The following ANKS1B variants were observed in gnomAD, a reference collection of about 807,000 sequenced individuals.
ANKS1B encodes ankyrin repeat and sterile alpha motif domain containing 1B, also known as ankyrin repeat and sterile alpha motif domain-containing protein 1B.
Under a neutral mutation model 148.3 loss-of-function variants are expected in ANKS1B, and 36 were observed. The observed-to-expected ratio is 0.24, with a 90% CI of 0.19 to 0.32. ANKS1B has a LOEUF of 0.32. Among genes scored for constraint, ANKS1B ranks in the 10% least tolerant of loss-of-function variants. The probability of loss-of-function intolerance (pLI) is 1.00; values close to 1 mark genes in which losing one functional copy is unlikely to be tolerated. For missense variants in ANKS1B, 1,157 were observed against 1,542.6 expected (o/e 0.75, Z 4.19); for synonymous variants, 542 against 560.8 (o/e 0.97, Z 0.47).
intron 10 of ANKS1B, among the ~76,000 whole-genome samples, chr12:99,490,880 T>C (rs996872635): frequency 6.6e-6 from 1 of 152,196 alleles, no homozygotes; most frequent in African/African-American, 2.4e-5. Context: ...GCAGGTAAGG[T>C]GAATAGTTAA....
chr12:99,895,325 A>G (rs909952491), intron 1 of ANKS1B, among the ~76,000 whole-genome samples: 8 of 150,308 alleles, frequency 5.3e-5, no homozygotes, highest in African/African-American at 1.9e-4. Context: ...ATCTAGAAAA[A>G]TAATTACTAT....
chr12:99,795,165 G>A (rs1355754123), intron 4 of ANKS1B, among the ~76,000 whole-genome samples: 1 of 151,792 alleles, frequency 6.6e-6, no homozygotes, highest in Non-Finnish European at 1.5e-5. Flanking sequence ...TAATTGATAA[G>A]ACACTAAGTT....
intron 1 of ANKS1B, among the ~76,000 whole-genome samples, chr12:99,875,305 GT>G (rs937433898): frequency 4.6e-5 from 7 of 152,062 alleles, no homozygotes; most frequent in African/African-American, 1.7e-4. Context: ...AAGTCCTTAA[GT>G]TTTTTACTTG....
intron 12 of ANKS1B, among the ~76,000 whole-genome samples, chr12:99,355,573 T>C (rs1400607167): frequency 6.6e-6 from 1 of 152,162 alleles, no homozygotes; most frequent in South Asian, 2.1e-4. Context: ...GGCTTTCTGA[T>C]TTGGTGGCCT....
At chr12:99,083,155 A>G (rs1223574943) in intron 16 of ANKS1B, among the ~76,000 whole-genome samples, 1 of 152,184 alleles carries the variant, frequency 6.6e-6, no homozygotes, top group Non-Finnish European at 1.5e-5. Context: ...TAGAAATTCA[A>G]TTCACTGTCA....
intron 14 of ANKS1B, among the ~76,000 whole-genome samples, chr12:99,180,647 T>G (rs1256534637): frequency 2.0e-5 from 3 of 147,916 alleles, no homozygotes; most frequent in Non-Finnish European, 4.4e-5. Flanking sequence ...TTTTTTTTTT[T>G]AATCTGAACG....
chr12:99,126,847 C>T (rs2064524108), intron 15 of ANKS1B, among the ~76,000 whole-genome samples: 1 of 152,016 alleles, frequency 6.6e-6, no homozygotes, highest in South Asian at 2.1e-4. Context: ...AAGAGTCTAC[C>T]CACTTTTGGT....
Position 99,500,276 on chromosome 12 carries a change from G to A in ANKS1B, c.1438+4200C>T, listed in dbSNP as rs140189084. Among the ~76,000 whole-genome samples the A allele has an allele frequency of 3.7e-3, 560 of 152,206 alleles. 6 individuals are homozygous for A. The highest frequency in any genetic ancestry group is 0.01 in the African/African-American group (435 of 41,536). On this transcript the variant is annotated intron_variant, in intron 10 of 26. Coordinates refer to ENST00000683438, the MANE Select transcript of ANKS1B (RefSeq NM_001352186.2). ...GATTTCCAGCCTCCAGAACAAGGAC[G>A]TAATACAAATGATGCAGCTTCCTCT...
intron 9 of ANKS1B, among the ~76,000 whole-genome samples, chr12:99,616,588 A>G (rs564302845): frequency 6.6e-6 from 1 of 152,342 alleles, no homozygotes; most frequent in African/African-American, 2.4e-5. Context: ...GGCTAGCCAT[A>G]GGCAGAAAAC....
chr12:99,952,619 G>A (rs563172644), intron 1 of ANKS1B, among the ~76,000 whole-genome samples: 1 of 152,282 alleles, frequency 6.6e-6, no homozygotes, highest in South Asian at 2.1e-4. Context: ...AAAGGTATCT[G>A]GGTGATCTAA....
chr12:99,729,115 A>G, intron 8 of ANKS1B, among the ~76,000 whole-genome samples: 1 of 152,228 alleles, frequency 6.6e-6, no homozygotes, highest in East Asian at 1.9e-4. Context: ...AGTTCTGTGT[A>G]TTACAATATG....
At chr12:99,338,566 T>A (rs982620930) in intron 12 of ANKS1B, among the ~76,000 whole-genome samples, 5 of 152,180 alleles carry the variant, frequency 3.3e-5, no homozygotes, top group African/African-American at 4.8e-5. Flanking sequence ...ATCTCCTTTA[T>A]TCTTCCCTCT....
chr12:99,099,032 G>A (rs906711286), intron 15 of ANKS1B, among the ~76,000 whole-genome samples: 1 of 152,244 alleles, frequency 6.6e-6, no homozygotes, highest in South Asian at 2.1e-4. Flanking sequence ...GGTTCTGCCA[G>A]AGACCCTCTT....
chr12:99,257,772 A>G (rs149017745), intron 12 of ANKS1B, among the ~76,000 whole-genome samples: 1,570 of 152,282 alleles, frequency 0.01, 28 homozygotes, highest in African/African-American at 0.036. Context: ...TGTCAATCTC[A>G]TCAGGGAAGG....
chr12:98,742,048 T>C (rs1238960533), downstream of ANKS1B, among the ~76,000 whole-genome samples: 4 of 151,712 alleles, frequency 2.6e-5, no homozygotes, highest in South Asian at 4.2e-4. Flanking sequence ...TCTGACTCCA[T>C]CTCTTGCTCT....
intron 17 of ANKS1B, among the ~76,000 whole-genome samples, chr12:98,833,017 T>A (rs1339982087): frequency 6.6e-6 from 1 of 152,162 alleles, no homozygotes; most frequent in Non-Finnish European, 1.5e-5. Flanking sequence ...AATGAAGGAC[T>A]GCCTATTGGG....
At chr12:99,195,062 A>G (rs1208277111) in intron 14 of ANKS1B, among the ~76,000 whole-genome samples, 1 of 152,172 alleles carries the variant, frequency 6.6e-6, no homozygotes, top group Admixed American at 6.5e-5. Context: ...CCAGAAAAAA[A>G]GTGGCATGAA....
intron 15 of ANKS1B, among the ~76,000 whole-genome samples, chr12:99,088,024 A>C (rs1052242557): frequency 4.6e-5 from 7 of 152,182 alleles, no homozygotes; most frequent in Admixed American, 3.3e-4. Context: ...TTTTGAGCCA[A>C]ATTTCCTAGC....
chr12:99,703,528 T>C (rs1237167069), intron 8 of ANKS1B, among the ~76,000 whole-genome samples: 1 of 152,132 alleles, frequency 6.6e-6, no homozygotes, highest in East Asian at 1.9e-4. Context: ...TCACGCCTCG[T>C]ATCTTTACAT....
Sources: gnomAD v4.1 joint callset for allele counts (sites outside exome capture counted in the v4.1 genomes callset) on GRCh38, gnomAD v4.1.1 for gene constraint, MANE v1.5 for transcripts, NCBI Gene and HGNC (gene_info 2026-07-23, HGNC 2026-07-21) for gene names.